The following SNX29 variants were observed in gnomAD, a reference collection of about 807,000 sequenced individuals.
SNX29 encodes the protein sorting nexin 29.
SNX29 carries 78 observed loss-of-function variants against 102.1 expected under a neutral mutation model. That is an observed-to-expected ratio of 0.76 (90% CI 0.64 to 0.92). SNX29 has a LOEUF of 0.92. SNX29 is among the 40% of genes least tolerant of loss of function. The pLI is 0.00. For synonymous variants in SNX29, 580 were observed against 414.5 expected, an observed-to-expected ratio of 1.40 and a Z score of -4.85; for missense variants, 1,280 against 1,061.7, an observed-to-expected ratio of 1.21 and a Z score of -2.86.
At chr16:12,558,294 G>C (rs779025224) in intron 20 of SNX29, among the ~76,000 whole-genome samples, 36 of 152,202 alleles carry the variant, frequency 2.4e-4, no homozygotes, top group Non-Finnish European at 4.7e-4. Context: ...TCTGAAACGC[G>C]AGATGGCCCC....
chr16:12,364,224 A>G (rs901276462), intron 16 of SNX29, among the ~76,000 whole-genome samples: 9 of 102,134 alleles, frequency 8.8e-5, no homozygotes, highest in Admixed American at 1.2e-4. Flanking sequence ...TTATTTTTGT[A>G]GAGGCAGGCT....
intron 19 of SNX29, among the ~76,000 whole-genome samples, chr16:12,521,367 G>C (rs376223621): frequency 8.6e-4 from 131 of 152,110 alleles, no homozygotes; most frequent in African/African-American, 3.1e-3. Context: ...GAGCACTTGG[G>C]AGGGACTTGG....
rs369951476 is a variant in SNX29, at chr16:12,193,470, C to CAAA, written c.1596-6121_1596-6119dup. ...GGCAACAAGAGTGAAACTCCATCTT[C>CAAA]AAAAAAAAAAAAGAAAAAGTCTTTC... On this transcript the variant is annotated intron_variant, in intron 13 of 20. Transcript: ENST00000566228. 5.0e-4 allele frequency among the ~76,000 whole-genome samples: 69 copies of CAAA among 137,420 alleles called. 9 individuals carry two copies. Among genetic ancestry groups the CAAA allele is most frequent in the East Asian group, 6.3e-4 (3 of 4,730 alleles). The allele number at this position is 137,420 out of a possible 152,430, so 90.2% of individuals were successfully genotyped here.
intron 14 of SNX29, among the ~76,000 whole-genome samples, chr16:12,254,788 G>C (rs910674091): frequency 1.3e-5 from 2 of 152,172 alleles, no homozygotes; most frequent in African/African-American, 4.8e-5. Context: ...AAGCGCAGTT[G>C]GTCCCCTGAG....
intron 14 of SNX29, among the ~76,000 whole-genome samples, chr16:12,218,837 C>T (rs554297816): frequency 1.3e-5 from 2 of 151,956 alleles, no homozygotes; most frequent in Non-Finnish European, 2.9e-5. Flanking sequence ...TGCAGTGGCG[C>T]GACCTCGGCT....
chr16:12,500,793 C>T (rs918713548), intron 19 of SNX29, among the ~76,000 whole-genome samples: 2 of 152,236 alleles, frequency 1.3e-5, no homozygotes, highest in Non-Finnish European at 2.9e-5. Flanking sequence ...GTTGCATACA[C>T]AAGCAAGTTT....
At position 12,013,630 on chromosome 16, in the gene SNX29, TTTTA is replaced by T. The variant is rs1353773352; in HGVS notation, c.122+10598_122+10601del. ...ATATATTGGTTTTTAAATTATTTATTTTTATTTATTTATTATTTATGTATTTAAT... is the reference window on the plus strand; with the variant it reads ...ATATATTGGTTTTTAAATTATTTATTTTTATTTATTATTTATGTATTTAAT... On this transcript the variant is annotated intron_variant, in intron 3 of 20. Coordinates refer to ENST00000566228, the MANE Select transcript of SNX29 (RefSeq NM_032167.5). 5.4e-5 allele frequency among the ~76,000 whole-genome samples: 8 copies of T among 147,390 alleles called. No homozygotes were observed. The East Asian group carries it at 1.4e-3, about 26-fold the overall frequency.
chr16:12,440,558 C>T (rs533041352), intron 18 of SNX29, among the ~76,000 whole-genome samples: 1 of 152,220 alleles, frequency 6.6e-6, no homozygotes, highest in South Asian at 2.1e-4. Flanking sequence ...AAGCCGAGTC[C>T]TCATTAGTTA....
At chr16:12,500,936 G>C (rs2089090357) in intron 19 of SNX29, among the ~76,000 whole-genome samples, 2 of 152,316 alleles carry the variant, frequency 1.3e-5, no homozygotes, top group South Asian at 4.1e-4. Flanking sequence ...TCACTTGTCA[G>C]ATTGTCAGGC....
chr16:12,393,700 C>A (rs2083619484), intron 16 of SNX29, among the ~76,000 whole-genome samples: 1 of 152,190 alleles, frequency 6.6e-6, no homozygotes, highest in Non-Finnish European at 1.5e-5. Flanking sequence ...GAAGAGCTAA[C>A]CTTACAGAGA....
intron 20 of SNX29, among the ~76,000 whole-genome samples, chr16:12,531,642 G>T (rs976577744): frequency 3.3e-5 from 5 of 152,180 alleles, no homozygotes; most frequent in Non-Finnish European, 7.3e-5. Flanking sequence ...AATGGAAGGG[G>T]AGCAGCAGAA....
At chr16:12,026,505 G>A (rs1017761636) in intron 3 of SNX29, among the ~76,000 whole-genome samples, 2 of 152,216 alleles carry the variant, frequency 1.3e-5, no homozygotes, top group Non-Finnish European at 2.9e-5. Flanking sequence ...CACAGACCCA[G>A]TTGGGCAGAG....
chr16:12,136,822 C>G (rs1207611513), intron 13 of SNX29, among the ~76,000 whole-genome samples: 2 of 152,180 alleles, frequency 1.3e-5, no homozygotes, highest in Non-Finnish European at 2.9e-5. Context: ...TCACTGCAAC[C>G]TCCACCTCCT....
chr16:12,287,355 A>G (rs2079632832), intron 15 of SNX29, among the ~76,000 whole-genome samples: 1 of 152,224 alleles, frequency 6.6e-6, no homozygotes, highest in Non-Finnish European at 1.5e-5. Flanking sequence ...GGCAGGCTGT[A>G]TCTCACAGGT....
intron 18 of SNX29, among the ~76,000 whole-genome samples, chr16:12,458,629 C>T (rs921485931): frequency 5.3e-5 from 8 of 152,198 alleles, no homozygotes; most frequent in South Asian, 2.1e-4. Context: ...TTCCCAGTCA[C>T]GGCGAAGGAT....
At chr16:12,367,150 T>A (rs987005246) in intron 16 of SNX29, 2 of 152,282 alleles carry the variant, frequency 1.3e-5, no homozygotes, top group African/African-American at 2.4e-5. Context: ...TGGAGCACTT[T>A]GTGCTGTGTT....
chr16:12,198,670 G>A (rs1419490552), intron 13 of SNX29, among the ~76,000 whole-genome samples: 1 of 152,210 alleles, frequency 6.6e-6, no homozygotes, highest in Non-Finnish European at 1.5e-5. Flanking sequence ...AAGAGTCCTT[G>A]TGGGCCTTGG....
At chr16:12,328,644 T>C (rs1022856111) in intron 15 of SNX29, among the ~76,000 whole-genome samples, 1 of 152,176 alleles carries the variant, frequency 6.6e-6, no homozygotes, top group Non-Finnish European at 1.5e-5. Flanking sequence ...TTCAAACCTT[T>C]CTTGGAAAAG....
chr16:12,054,285 A>G lies in SNX29; in HGVS notation c.1124+2063A>G, dbSNP rs150005603. Among the ~76,000 whole-genome samples the G allele has an allele frequency of 4.1e-3, 623 of 152,274 alleles. 7 individuals are homozygous for G. The highest frequency in any genetic ancestry group is 0.014 in the African/African-American group (581 of 41,548). On this transcript the variant is annotated intron_variant, in intron 8 of 20. Coordinates refer to ENST00000566228, the MANE Select transcript of SNX29 (RefSeq NM_032167.5). ...CCAGCTATTCTGTCAAATGTTTTTC[A>G]TGTTTCTACTTAATTATGAATATTG...
Sources: allele counts gnomAD v4.1 joint callset (sites outside exome capture counted in the v4.1 genomes callset), GRCh38; gene constraint gnomAD v4.1.1; transcripts MANE v1.5; gene names NCBI Gene and HGNC (gene_info 2026-07-23, HGNC 2026-07-21).